The following RBM20 variants were observed in gnomAD, a reference collection of about 807,000 sequenced individuals.
RBM20 encodes RNA-binding protein 20.
RBM20 carries 51 observed loss-of-function variants against 110.1 expected under a neutral mutation model. That is an observed-to-expected ratio of 0.46 (90% CI 0.37 to 0.59). The LOEUF (loss-of-function observed/expected upper bound fraction) is 0.59, where lower values mean the gene tolerates loss of function less well. Among genes scored for constraint, RBM20 ranks in the 20% least tolerant of loss-of-function variants. RBM20 has a pLI of 0.00. For synonymous variants in RBM20, 589 were observed against 618.2 expected (o/e 0.95, Z 0.70); for missense variants, 1,512 against 1,574.9 (o/e 0.96, Z 0.68).
intron 9 of RBM20, among the ~76,000 whole-genome samples, chr10:110,814,470 T>C (rs1590697515): frequency 6.6e-6 from 1 of 151,672 alleles, no homozygotes; most frequent in Non-Finnish European, 1.5e-5. Flanking sequence ...GTATTAAAAG[T>C]AGAAAAAAGC....
chr10:110,800,851 A>G (rs2135080704), intron 7 of RBM20, among the ~76,000 whole-genome samples: 1 of 152,306 alleles, frequency 6.6e-6, no homozygotes. Context: ...GTTGTTGGGC[A>G]TGTCTATTTA....
chr10:110,650,356 A>T (rs112536371), intron 1 of RBM20, among the ~76,000 whole-genome samples: 1 of 152,200 alleles, frequency 6.6e-6, no homozygotes, highest in African/African-American at 2.4e-5. Context: ...CTGACAGCAG[A>T]TCTGTAGGGG....
chr10:110,647,002 T>A (rs4244280), intron 1 of RBM20, among the ~76,000 whole-genome samples: 116,939 of 152,148 alleles, frequency 0.77, 45,618 homozygotes, highest in East Asian at 1. Flanking sequence ...GAAGTTTTGA[T>A]TGCTTTCAAA....
In RBM20 at chr10:110,781,569, G is replaced by A; in HGVS notation, c.960G>A (p.Glu320=). 6.4e-7 allele frequency: 1 copy of A among 1,551,754 alleles called. No individual in the cohort carries two copies. The highest frequency in any genetic ancestry group is 8.7e-7 in the Non-Finnish European group (1 of 1,147,008). Reference sequence around the variant, plus strand: ...TGCAGGGCACAAACAGCCAATGGGAGAGCCCCCATGGATTCTCGGGCCAAA... The same window carrying A: ...TGCAGGGCACAAACAGCCAATGGGAAAGCCCCCATGGATTCTCGGGCCAAA... ...PLLQGTNSQW[E]SPHGFSGQSK... The change falls in exon 2 of 14, where the codon GAG becomes GAA. Residue 320 remains glutamate (E), a synonymous_variant. Transcript: ENST00000369519.
chr10:110,821,892 A>G lies in RBM20; in HGVS notation c.3273A>G (p.Glu1091=), dbSNP rs886458288. Residue 1091 remains glutamate, a synonymous_variant, in exon 11 of 14, where the codon GAA becomes GAG. Transcript: ENST00000369519. ...PLEEKASPPI[E]TDLQNQACQE... Reference sequence around the variant, plus strand: ...AGGAGAAAGCCAGCCCCCCCATCGAAACTGACCTCCAAAACCAAGCTTGCC... The same window carrying G: ...AGGAGAAAGCCAGCCCCCCCATCGAGACTGACCTCCAAAACCAAGCTTGCC... 7.1e-6 allele frequency: 11 copies of G among 1,551,484 alleles called. No individual in the cohort carries two copies. In the African/African-American group the frequency reaches 1.4e-4, roughly 19 times the overall value.
intron 1 of RBM20, among the ~76,000 whole-genome samples, chr10:110,713,223 C>T (rs1037676759): frequency 6.6e-6 from 1 of 152,218 alleles, no homozygotes; most frequent in Non-Finnish European, 1.5e-5. Flanking sequence ...GGCCAAAGAG[C>T]CATCACTAGG....
At chr10:110,775,924 G>C (rs546616978) in intron 1 of RBM20, among the ~76,000 whole-genome samples, 1 of 152,332 alleles carries the variant, frequency 6.6e-6, no homozygotes, top group African/African-American at 2.4e-5. Context: ...CTGTACCTCT[G>C]TCTTCAGGCC....
chr10:110,689,281 T>A (rs1358691747), intron 1 of RBM20, among the ~76,000 whole-genome samples: 1 of 152,224 alleles, frequency 6.6e-6, no homozygotes, highest in Non-Finnish European at 1.5e-5. Context: ...CAGGCTCTGC[T>A]GGAGGCCTGG....
chr10:110,831,036 G>A (rs1263221877), intron 12 of RBM20, 25 bp from the exon 13 acceptor site: 27 of 1,543,422 alleles, frequency 1.7e-5, no homozygotes, highest in Middle Eastern at 1.7e-4. Flanking sequence ...CTAACCCTGC[G>A]TGTCTATCCC....
Position 110,820,153 on chromosome 10 carries a change from C to A in RBM20, c.2632C>A (p.Pro878Thr), listed in dbSNP as rs1380398520. The A allele has an allele frequency of 1.2e-5, 18 of 1,551,012 alleles. No homozygotes were observed. Among genetic ancestry groups the A allele is most frequent in the Non-Finnish European group, 1.5e-5 (17 of 1,146,434 alleles). The change falls in exon 10 of 14, where the codon CCG becomes ACG. Residue 878 changes from proline (P) to threonine (T), a missense_variant. This residue lies in a region of RBM20 where 1,149 missense variants were observed against 1,169.4 expected (regional missense o/e 0.98). Transcript: ENST00000369519. ...RQEKEAEFSDPENTRTKKEQD... is the reference protein window; with the variant it reads ...RQEKEAEFSDTENTRTKKEQD... Reference sequence around the variant, plus strand: ...GGAGAAAGAAGCAGAGTTCTCTGATCCGGAAAACACAAGGACAAAGAAGGT... The same window carrying A: ...GGAGAAAGAAGCAGAGTTCTCTGATACGGAAAACACAAGGACAAAGAAGGT...
At chr10:110,818,427 C>T (rs900540651) in intron 9 of RBM20, among the ~76,000 whole-genome samples, 4 of 152,120 alleles carry the variant, frequency 2.6e-5, no homozygotes, top group African/African-American at 4.8e-5. Context: ...AGACCAGTTT[C>T]GAAGTGGTTC....
At chr10:110,806,844 C>G (rs7073553) in intron 7 of RBM20, among the ~76,000 whole-genome samples, 2,839 of 152,278 alleles carry the variant, frequency 0.019, 65 homozygotes, top group African/African-American at 0.053. Flanking sequence ...GTTTCACCTG[C>G]CTTCTTTATG....
At chr10:110,784,990 A>G (rs1169710883) in intron 5 of RBM20, 101 bp downstream of exon 5, 10 of 746,794 alleles carry the variant, frequency 1.3e-5, no homozygotes, top group African/African-American at 5.3e-5. Flanking sequence ...GCAATGGTGC[A>G]ATCATATCTC....
chr10:110,782,842 T>C (rs916383230), intron 2 of RBM20, among the ~76,000 whole-genome samples: 4 of 152,178 alleles, frequency 2.6e-5, no homozygotes, highest in African/African-American at 9.7e-5. Context: ...GGTCACACCA[T>C]CCAAGTGCAT....
chr10:110,774,684 TTTTG>T (rs776374200), intron 1 of RBM20, among the ~76,000 whole-genome samples: 1 of 152,094 alleles, frequency 6.6e-6, no homozygotes, highest in African/African-American at 2.4e-5. Flanking sequence ...GTTGTTTTCT[TTTTG>T]TTTGTTTTGT....
chr10:110,781,960 G>T (rs1446353845), intron 2 of RBM20, 76 bp downstream of exon 2: 2 of 1,525,604 alleles, frequency 1.3e-6, no homozygotes, highest in Admixed American at 3.9e-5. Flanking sequence ...AACTCACGCT[G>T]CCAATGGGCA....
chr10:110,656,793 T>C (rs541237600), intron 1 of RBM20, among the ~76,000 whole-genome samples: 7 of 152,352 alleles, frequency 4.6e-5, no homozygotes, highest in African/African-American at 1.7e-4. Context: ...CTGTGTCATG[T>C]GTCAGCACTT....
intron 4 of RBM20, 136 bp downstream of exon 4, chr10:110,784,568 C>T (rs1217770577): frequency 1.3e-6 from 1 of 747,574 alleles, no homozygotes; most frequent in Non-Finnish European, 2.3e-6. Context: ...GATCCCAAGA[C>T]ACTAAAATGC....
intron 1 of RBM20, among the ~76,000 whole-genome samples, chr10:110,684,120 C>T (rs549169808): frequency 7.9e-5 from 12 of 152,230 alleles, no homozygotes; most frequent in South Asian, 2.1e-4. Context: ...TTGGGATGGG[C>T]GCAGTGGCTC....
Sources: gnomAD v4.1 joint callset for allele counts (sites outside exome capture counted in the v4.1 genomes callset) on GRCh38, gnomAD v4.1.1 for gene constraint, gnomAD v4.1.1 regional missense constraint, MANE v1.5 for transcripts, NCBI Gene and HGNC (gene_info 2026-07-23, HGNC 2026-07-21) for gene names.